The following SNX24 variants were observed in gnomAD, a reference collection of about 807,000 sequenced individuals.
The protein encoded by SNX24 is sorting nexin 24, also known as sorting nexin-24.
In SNX24, 22 loss-of-function variants were observed where a neutral mutation model predicts 28.7. That is an observed-to-expected ratio of 0.77 (90% confidence interval 0.55 to 1.10). The LOEUF is 1.10. Among genes scored for constraint, SNX24 ranks in the 50% least tolerant of loss-of-function variants. The probability of loss-of-function intolerance (pLI) is 0.00; values close to 1 mark genes in which losing one functional copy is unlikely to be tolerated. For missense variants in SNX24, 221 were observed against 201.1 expected, an observed-to-expected ratio of 1.10 and a Z score of -0.60; for synonymous variants, 69 against 71.5, an observed-to-expected ratio of 0.96 and a Z score of 0.18.
At chr5:122,889,903 T>C (rs968344932) in intron 1 of SNX24, among the ~76,000 whole-genome samples, 1 of 151,436 alleles carries the variant, frequency 6.6e-6, no homozygotes, top group Non-Finnish European at 1.5e-5. Context: ...GTCCCAATAA[T>C]GTCCTTGTTA....
rs572940351 is a variant in SNX24 at position 122,880,418 on chromosome 5, A to G, written c.60+34725A>G. On this transcript the variant is annotated intron_variant, in intron 1 of 6. Coordinates refer to ENST00000261369, the MANE Select transcript of SNX24 (RefSeq NM_014035.4). ...AAACCTTGTAAAAGCTACTGCCCAC[A>G]TGCCCTTTATCTGTTAGTCAATGCC... Among the ~76,000 whole-genome samples the G allele has an allele frequency of 1.4e-4, 21 of 152,318 alleles. No individual in the cohort carries two copies. In the South Asian group the frequency reaches 4.3e-3, roughly 32 times the overall value.
At chr5:122,966,023 T>C (rs1477709507) in intron 3 of SNX24, among the ~76,000 whole-genome samples, 1 of 152,228 alleles carries the variant, frequency 6.6e-6, no homozygotes, top group Non-Finnish European at 1.5e-5. Flanking sequence ...CTCTGGCATA[T>C]CAAAAAGGAA....
chr5:122,903,402 A>G (rs1304124181), intron 1 of SNX24, among the ~76,000 whole-genome samples: 1 of 152,174 alleles, frequency 6.6e-6, no homozygotes, highest in African/African-American at 2.4e-5. Flanking sequence ...TGAGCCAGCC[A>G]CAGTGCCACG....
chr5:122,969,986 C>G (rs1760887521), intron 3 of SNX24, among the ~76,000 whole-genome samples: 1 of 152,054 alleles, frequency 6.6e-6, no homozygotes, highest in South Asian at 2.1e-4. Context: ...TTTGTAAAAA[C>G]TACTCTCTTC....
At chr5:122,873,392 G>A (rs1468848737) in intron 1 of SNX24, among the ~76,000 whole-genome samples, 10 of 152,130 alleles carry the variant, frequency 6.6e-5, no homozygotes, top group East Asian at 3.8e-4. Flanking sequence ...AAATGCCTGC[G>A]TGGGGAGGCA....
At chr5:123,027,038 C>CA (rs1762869590) in intron 5 of SNX24, among the ~76,000 whole-genome samples, 1 of 151,968 alleles carries the variant, frequency 6.6e-6, no homozygotes, top group Non-Finnish European at 1.5e-5. Context: ...ACTAAAAATA[C>CA]AAAAAATCAG....
intron 6 of SNX24, among the ~76,000 whole-genome samples, chr5:123,005,719 G>C (rs568824966): frequency 1.3e-5 from 2 of 152,266 alleles, no homozygotes; most frequent in South Asian, 4.2e-4. Flanking sequence ...AAAATTAACA[G>C]CTCTATTTAT....
intron 5 of SNX24, among the ~76,000 whole-genome samples, chr5:123,020,895 C>T (rs903856478): frequency 9.9e-5 from 15 of 152,208 alleles, no homozygotes; most frequent in Non-Finnish European, 2.1e-4. Context: ...CCAATGATGG[C>T]TCATTCACAT....
intron 2 of SNX24, among the ~76,000 whole-genome samples, chr5:122,942,073 C>G (rs1380143401): frequency 6.6e-6 from 1 of 152,274 alleles, no homozygotes; most frequent in African/African-American, 2.4e-5. Flanking sequence ...AGAGCTTTAC[C>G]TCCCTAGGCC....
chr5:122,939,410 G>A (rs761580696), intron 2 of SNX24, among the ~76,000 whole-genome samples: 1 of 152,138 alleles, frequency 6.6e-6, no homozygotes, highest in Non-Finnish European at 1.5e-5. Flanking sequence ...TCATTTATCT[G>A]CTAGTGTCTA....
intron 3 of SNX24, among the ~76,000 whole-genome samples, chr5:122,984,895 T>TA (rs1428894045): frequency 6.6e-6 from 1 of 152,124 alleles, no homozygotes; most frequent in South Asian, 2.1e-4. Context: ...CCTTATGCAT[T>TA]AAAAAGTTTA....
intron 1 of SNX24, among the ~76,000 whole-genome samples, chr5:122,888,359 G>A (rs1378454469): frequency 6.6e-6 from 1 of 152,140 alleles, no homozygotes; most frequent in Non-Finnish European, 1.5e-5. Flanking sequence ...TCTGAAACCT[G>A]ACAGCCTGAG....
At chr5:122,972,108 CA>C (rs1760984662) in intron 3 of SNX24, among the ~76,000 whole-genome samples, 1 of 152,210 alleles carries the variant, frequency 6.6e-6, no homozygotes, top group Non-Finnish European at 1.5e-5. Context: ...TCACCCCAAC[CA>C]ACACTGTAAC....
At chr5:122,944,115 A>G (rs527544717) in intron 2 of SNX24, among the ~76,000 whole-genome samples, 1 of 152,370 alleles carries the variant, frequency 6.6e-6, no homozygotes, top group Non-Finnish European at 1.5e-5. Context: ...GGAAAACTAA[A>G]AACAGGCAGT....
chr5:122,883,139 G>A (rs1041590516), intron 1 of SNX24, among the ~76,000 whole-genome samples: 1 of 152,162 alleles, frequency 6.6e-6, no homozygotes, highest in Admixed American at 6.5e-5. Context: ...GGAGATAACT[G>A]TTCTTTAACA....
chr5:122,873,008 C>A (rs1370389637), intron 1 of SNX24, among the ~76,000 whole-genome samples: 1 of 152,068 alleles, frequency 6.6e-6, no homozygotes, highest in Non-Finnish European at 1.5e-5. Context: ...GTTCTGTCAC[C>A]CTGGCTGGGG....
Position 123,023,836 on chromosome 5 carries a change from A to C in SNX24, n.384-5402A>C, listed in dbSNP as rs534440216. 2.6e-5 allele frequency: 41 copies of C among 1,602,828 alleles called. No individual in the cohort carries two copies. The East Asian group carries it at 2.9e-4, about 11-fold the overall frequency. On this transcript the variant is annotated intron_variant and non_coding_transcript_variant, in intron 5 of 5. Coordinates refer to the SNX24 transcript ENST00000502387. ...CACACACACACACACACACACACACACCCCTGCCAAAGCATATCCTTGTTT... is the reference window on the plus strand; with the variant it reads ...CACACACACACACACACACACACACCCCCCTGCCAAAGCATATCCTTGTTT...
chr5:122,968,330 G>A (rs963708715), intron 3 of SNX24, among the ~76,000 whole-genome samples: 50 of 152,318 alleles, frequency 3.3e-4, no homozygotes, highest in African/African-American at 1.2e-3. Context: ...CTGGGCAACA[G>A]AGCGAGACTC....
At chr5:122,898,429 C>A (rs565648048) in intron 1 of SNX24, among the ~76,000 whole-genome samples, 2 of 152,178 alleles carry the variant, frequency 1.3e-5, no homozygotes, top group African/African-American at 4.8e-5. Context: ...AGTAAAAACC[C>A]TTTCCCAGAT....
Sources: gnomAD v4.1 joint callset for allele counts (sites outside exome capture counted in the v4.1 genomes callset) on GRCh38, gnomAD v4.1.1 for gene constraint, MANE v1.5 for transcripts, NCBI Gene and HGNC (gene_info 2026-07-23, HGNC 2026-07-21) for gene names.